CEBPZ: variants seen among roughly 807,000 people sequenced by gnomAD.
The protein encoded by CEBPZ is CCAAT/enhancer-binding protein zeta.
In CEBPZ, 78 loss-of-function variants were observed where a neutral mutation model predicts 104.5. The ratio of observed to expected loss-of-function variants is 0.75; its 90% CI spans 0.62 to 0.90. The LOEUF (loss-of-function observed/expected upper bound fraction) is 0.90, where lower values mean the gene tolerates loss of function less well. Among genes scored for constraint, CEBPZ ranks in the 40% least tolerant of loss-of-function variants. CEBPZ has a pLI of 0.00. For missense variants in CEBPZ, 1,439 were observed against 1,233.5 expected, an observed-to-expected ratio of 1.17 and a Z score of -2.50; for synonymous variants, 470 against 427.0, an observed-to-expected ratio of 1.10 and a Z score of -1.24.
At position 37,214,610 on chromosome 2, in the gene CEBPZ, T is replaced by C. The variant is rs1335803697; in HGVS notation, c.2447+276A>G. On this transcript the variant is annotated intron_variant, in intron 9 of 15. Coordinates refer to ENST00000234170, the MANE Select transcript of CEBPZ (RefSeq NM_005760.3). ...ACAAAACTCCCAAATTTACTTTAGT[T>C]TTACTAAGATATATTAAGATTAGCA... Among the ~76,000 whole-genome samples the C allele has an allele frequency of 4.6e-5, 7 of 152,296 alleles. No individual in the cohort carries two copies. In the East Asian group the frequency reaches 1.3e-3, roughly 29 times the overall value.
Position 37,227,551 on chromosome 2 carries a change from A to T in CEBPZ, c.1642T>A (p.Leu548Ile). 2 of 1,606,696 alleles carry T rather than the reference A, an allele frequency of 1.2e-6. No individual in the cohort carries two copies. Among genetic ancestry groups the T allele is most frequent in the Non-Finnish European group, 8.5e-7 (1 of 1,176,486 alleles). The change falls in exon 2 of 16, where the codon TTA becomes ATA. Residue 548 changes from leucine (L) to isoleucine (I), a missense_variant. Physicochemically the swap from Leu to Ile is conservative, Grantham distance 5. Coordinates refer to ENST00000234170, the MANE Select transcript of CEBPZ (RefSeq NM_005760.3). ...GGAAGGGTATGTTCTTACCTGTATA[A>T]TGCTGTGTAATATCGATCCGATATT... ...QTISDRYYTALYRKMLDPGLM... is the reference protein window; with the variant it reads ...QTISDRYYTAIYRKMLDPGLM...
chr2:37,230,243 G>A (rs990750236), intron 1 of CEBPZ, among the ~76,000 whole-genome samples: 1 of 152,134 alleles, frequency 6.6e-6, no homozygotes, highest in Non-Finnish European at 1.5e-5. Context: ...AGAGATAGGT[G>A]TATATATATG....
intron 13 of CEBPZ, 98 bp from the exon 14 acceptor site, chr2:37,203,106 T>A: frequency 2.7e-6 from 2 of 754,360 alleles, no homozygotes; most frequent in Non-Finnish European, 4.1e-6. Flanking sequence ...TATACTTGGG[T>A]AAAAACAATT....
chr2:37,222,665 G>A, intron 3 of CEBPZ, 102 bp from the exon 4 acceptor site: 1 of 741,686 alleles, frequency 1.3e-6, no homozygotes, highest in Non-Finnish European at 2.0e-6. Flanking sequence ...TTGCAACTCT[G>A]GTGAAACGTG....
intron 5 of CEBPZ, among the ~76,000 whole-genome samples, chr2:37,217,508 C>T (rs772260830): frequency 4.1e-4 from 63 of 152,120 alleles, no homozygotes; most frequent in Non-Finnish European, 8.7e-4. Context: ...ACTTAAAAAC[C>T]AAAAATTCCA....
intron 10 of CEBPZ, among the ~76,000 whole-genome samples, chr2:37,212,915 T>C (rs1258543592): frequency 6.8e-6 from 1 of 147,850 alleles, no homozygotes; most frequent in African/African-American, 2.5e-5. Flanking sequence ...GGCATGTACC[T>C]GTAGTCCCAG....
At chr2:37,203,471 A>T (rs1338056939) in intron 13 of CEBPZ, 1 of 152,288 alleles carries the variant, frequency 6.6e-6, no homozygotes, top group Non-Finnish European at 1.5e-5. Flanking sequence ...TTAAAAAAAA[A>T]ACTTATCTGT....
In CEBPZ at chr2:37,231,562, G is replaced by A. The variant is rs747294672; in HGVS notation, c.6C>T (p.Ala2=). Residue 2 remains alanine (A), a synonymous_variant, in exon 1 of 16, where the codon GCC becomes GCT. Coordinates refer to ENST00000234170, the MANE Select transcript of CEBPZ (RefSeq NM_005760.3). The part of the protein sequence containing the change: M[A]AVKEPLEFHA... The stretch of plus-strand genomic sequence containing the variant: ...GGAACTCCAAAGGCTCCTTGACTGC[G>A]GCCATGGCGGGCAAAGCATACGCGC... The A allele has an allele frequency of 8.1e-6, 13 of 1,614,076 alleles. No homozygotes were observed. Among genetic ancestry groups the A allele is most frequent in the Non-Finnish European group, 1.1e-5 (13 of 1,180,048 alleles).
At chr2:37,218,464 T>C (rs1193939053) in intron 5 of CEBPZ, among the ~76,000 whole-genome samples, 1 of 152,226 alleles carries the variant, frequency 6.6e-6, no homozygotes, top group Non-Finnish European at 1.5e-5. Context: ...GTCTTTCACA[T>C]AGCTGTGAAT....
chr2:37,211,098 AT>A lies in CEBPZ; in HGVS notation c.2801-17del. ...ACTTCAAGTTCTGTTACACGAAAAA[AT>A]TTGCTAATAAGCAATTTAAAAACAA... On this transcript the variant is annotated splice_polypyrimidine_tract_variant and intron_variant, in intron 12 of 15. Transcript: ENST00000234170. The A allele has an allele frequency of 6.3e-7, 1 of 1,575,662 alleles. No individual in the cohort carries two copies. The highest frequency in any genetic ancestry group is 8.7e-7 in the Non-Finnish European group (1 of 1,155,536).
At chr2:37,226,908 AAAC>A (rs774731337) in intron 2 of CEBPZ, among the ~76,000 whole-genome samples, 47 of 152,230 alleles carry the variant, frequency 3.1e-4, no homozygotes, top group African/African-American at 6.5e-4. Context: ...CTCCATTAAA[AAAC>A]AACAACAAAA....
chr2:37,204,805 T>A (rs988470780), intron 13 of CEBPZ: 5 of 152,226 alleles, frequency 3.3e-5, no homozygotes, highest in African/African-American at 1.2e-4. Context: ...CCAAAACTAT[T>A]ATCAATTGAG....
chr2:37,231,517 G>A lies in CEBPZ; in HGVS notation c.51C>T (p.Arg17=), dbSNP rs1170789669. The change falls in exon 1 of 16, where the codon CGC becomes CGT. Residue 17 remains arginine (R), a synonymous_variant. Transcript: ENST00000234170. Reference sequence around the variant, plus strand: ...CCGGATCTTCTACTGCCTCCTCGGGGCGCCAAGGCCGCTTGGCATGGAACT... The same window carrying A: ...CCGGATCTTCTACTGCCTCCTCGGGACGCCAAGGCCGCTTGGCATGGAACT... ...PLEFHAKRPW[R]PEEAVEDPDE... is the part of the protein sequence containing the mutation. 6.2e-7 allele frequency: 1 copy of A among 1,614,210 alleles called. No homozygotes were observed. The highest frequency in any genetic ancestry group is 8.5e-7 in the Non-Finnish European group (1 of 1,180,036).
chr2:37,212,009 C>G lies in CEBPZ; in HGVS notation c.2634G>C (p.Lys878Asn), dbSNP rs1167860067. Reference protein sequence around the residue: ...GNVKKRTKGAKDNTLDEDSEG... With the variant: ...GNVKKRTKGANDNTLDEDSEG... ...CTGAATCTTCATCTAATGTGTTATC[C>G]TTAGCTCCTTTTGTTCTCTTTTTCA... Residue 878 changes from lysine to asparagine, a missense_variant, in exon 12 of 16, where the codon AAG becomes AAC. By Grantham distance (94) the Lys-to-Asn change is moderately conservative (BLOSUM62 0). Transcript: ENST00000234170. The G allele has an allele frequency of 6.3e-7, 1 of 1,592,612 alleles. No individual in the cohort carries two copies. Among genetic ancestry groups the G allele is most frequent in the Admixed American group, 1.9e-5 (1 of 52,992 alleles).
At position 37,228,844 on chromosome 2, in the gene CEBPZ, C is replaced by A. The variant is rs866354709; in HGVS notation, c.349G>T (p.Glu117Ter). 1.2e-6 allele frequency: 2 copies of A among 1,600,136 alleles called. No individual in the cohort carries two copies. Among genetic ancestry groups the A allele is most frequent in the South Asian group, 1.1e-5 (1 of 87,000 alleles). Residue 117 changes from glutamate to a stop codon, truncating the protein, a stop_gained, in exon 2 of 16, where the codon GAA becomes TAA. Coordinates refer to ENST00000234170, the MANE Select transcript of CEBPZ (RefSeq NM_005760.3). LOFTEE classifies it high-confidence loss of function. ...PAEKENSSKK[E>*]VKIPKINNKN... ...TTATTTATTTTAGGTATTTTTACTT[C>A]TTTTTTGCTGGAATTTTCTTTTTCA...
At chr2:37,202,060 T>C (rs1288245754) in intron 15 of CEBPZ, 157 bp from the exon 16 acceptor site, 2 of 482,036 alleles carry the variant, frequency 4.1e-6, no homozygotes, top group African/African-American at 4.0e-5. Flanking sequence ...GCTTTTCTTC[T>C]CATATTTATT....
Position 37,228,257 on chromosome 2 carries a change from A to G in CEBPZ, c.936T>C (p.Phe312=), listed in dbSNP as rs769757578. 25 of 1,614,106 alleles carry G rather than the reference A, an allele frequency of 1.5e-5. No homozygotes were observed. The highest frequency in any genetic ancestry group is 1.8e-5 in the Non-Finnish European group (21 of 1,180,038). ...RKLRIFSQRP[F]DKLEQLSSGN... ...CACTGGACAACTGTTCCAGTTTGTC[A>G]AAAGGACGCTGGCTGAAAATCCTCA... The change falls in exon 2 of 16, where the codon TTT becomes TTC. Residue 312 remains phenylalanine, a synonymous_variant. Coordinates refer to ENST00000234170, the MANE Select transcript of CEBPZ (RefSeq NM_005760.3).
chr2:37,210,947 A>T, intron 13 of CEBPZ, 52 bp downstream of exon 13: 1 of 1,289,672 alleles, frequency 7.8e-7, no homozygotes, highest in Non-Finnish European at 1.1e-6. Flanking sequence ...AATGATAATG[A>T]CACCTTTCAC....
chr2:37,212,216 T>G (rs916137621), intron 11 of CEBPZ, 119 bp downstream of exon 11: 4 of 1,048,690 alleles, frequency 3.8e-6, no homozygotes, highest in Non-Finnish European at 5.7e-6. Context: ...TGTATCCACT[T>G]CCCAAACTTA....
Sources: gnomAD v4.1 joint callset for allele counts (sites outside exome capture counted in the v4.1 genomes callset) on GRCh38, gnomAD v4.1.1 for gene constraint, MANE v1.5 for transcripts, NCBI Gene and HGNC (gene_info 2026-07-23, HGNC 2026-07-21) for gene names.